DPYD: variants seen among roughly 807,000 people sequenced by gnomAD.
DPYD encodes the protein dihydropyrimidine dehydrogenase [NADP(+)].
A neutral mutation model predicts 116.2 loss-of-function variants in DPYD; 109 were observed. The ratio of observed to expected loss-of-function variants is 0.94; its 90% confidence interval spans 0.80 to 1.10. The LOEUF is 1.10. Among genes scored for constraint, DPYD ranks in the 50% least tolerant of loss-of-function variants. The pLI, the probability that DPYD is intolerant of heterozygous loss-of-function variation, is 0.00. For missense variants in DPYD, 1,302 were observed against 1,254.5 expected, an observed-to-expected ratio of 1.04 and a Z score of -0.57; for synonymous variants, 440 against 432.0, an observed-to-expected ratio of 1.02 and a Z score of -0.23.
intron 16 of DPYD, among the ~76,000 whole-genome samples, chr1:97,351,742 T>A (rs1317985895): frequency 2.6e-5 from 4 of 151,922 alleles, no homozygotes; most frequent in Middle Eastern, 3.2e-3. Flanking sequence ...AGAAACAAAA[T>A]CAAACGTGTT....
intron 21 of DPYD, among the ~76,000 whole-genome samples, chr1:97,082,775 G>A (rs563463200): frequency 3.3e-5 from 5 of 152,210 alleles, no homozygotes; most frequent in East Asian, 1.9e-4. Flanking sequence ...AATGACACCC[G>A]TGTGAGTTGT....
rs879495688 is a variant in DPYD at position 97,721,741 on chromosome 1, C to T, written c.322-70G>A. On this transcript the variant is annotated intron_variant, in intron 4 of 22. Coordinates refer to ENST00000370192, the MANE Select transcript of DPYD (RefSeq NM_000110.4). The stretch of plus-strand genomic sequence containing the variant: ...CTTTAAACAGCCAAATTACGACAAA[C>T]ATTATTTCTTCTACTAGGTAATCAG... 1.3e-5 allele frequency: 18 copies of T among 1,435,278 alleles called. No homozygotes were observed. The Admixed American group carries it at 2.5e-4, about 20-fold the overall frequency. 88.9% of individuals were successfully genotyped at this position (1,435,278 alleles called of 1,614,324 possible).
intron 14 of DPYD, among the ~76,000 whole-genome samples, chr1:97,412,145 C>T (rs1259192476): frequency 1.3e-5 from 2 of 152,168 alleles, no homozygotes; most frequent in African/African-American, 4.8e-5. Flanking sequence ...TTAGCTATTT[C>T]AAGTGCTGAA....
intron 3 of DPYD, among the ~76,000 whole-genome samples, chr1:97,743,879 A>G (rs997578737): frequency 1.3e-5 from 2 of 152,104 alleles, no homozygotes; most frequent in Non-Finnish European, 1.5e-5. Flanking sequence ...TTTTAAATGC[A>G]TAAGCAGCAA....
intron 19 of DPYD, among the ~76,000 whole-genome samples, chr1:97,232,555 A>G (rs1351493567): frequency 5.9e-5 from 9 of 152,058 alleles, no homozygotes; most frequent in Non-Finnish European, 2.9e-5. Context: ...ATAGTCCCAC[A>G]GTTCCCTGAG....
At chr1:97,881,463 G>C (rs1359942154) in intron 2 of DPYD, among the ~76,000 whole-genome samples, 3 of 151,988 alleles carry the variant, frequency 2.0e-5, no homozygotes, top group Admixed American at 6.6e-5. Flanking sequence ...CCTAGGTATA[G>C]CATCACAGGT....
intron 8 of DPYD, among the ~76,000 whole-genome samples, chr1:97,660,837 C>T (rs559110826): frequency 6.6e-6 from 1 of 152,224 alleles, no homozygotes; most frequent in South Asian, 2.1e-4. Context: ...ACATTTCTGC[C>T]TATGTTCTTC....
rs941412590 is a variant in DPYD, at chr1:97,750,993, G to T, written c.234-10514C>A. Among the ~76,000 whole-genome samples, 5 of 152,202 alleles carry T rather than the reference G, an allele frequency of 3.3e-5. No individual in the cohort carries two copies. The South Asian group carries it at 1.0e-3, about 32-fold the overall frequency. ...GATGAAAAGAATACTGAGTGACAAT[G>T]CAAGTGCTGGAGGCACTCATTCATT... On this transcript the variant is annotated intron_variant, in intron 3 of 22. Transcript: ENST00000370192.
intron 1 of DPYD, among the ~76,000 whole-genome samples, chr1:97,891,458 T>G (rs1672772286): frequency 6.6e-6 from 1 of 151,948 alleles, no homozygotes; most frequent in Admixed American, 6.6e-5. Flanking sequence ...TGTACTAATT[T>G]TACCTAGTTT....
intron 20 of DPYD, among the ~76,000 whole-genome samples, chr1:97,149,022 GA>G (rs1337088368): frequency 2.0e-5 from 3 of 152,172 alleles, no homozygotes; most frequent in African/African-American, 7.2e-5. Flanking sequence ...ACGCCCTTTG[GA>G]ATTAATCTCT....
chr1:97,359,595 A>G (rs1670608579), intron 16 of DPYD, among the ~76,000 whole-genome samples: 1 of 152,246 alleles, frequency 6.6e-6, no homozygotes, highest in South Asian at 2.1e-4. Context: ...AGTCTATCAG[A>G]CTAACAGTGG....
At chr1:97,189,265 A>G (rs1303727499) in intron 20 of DPYD, among the ~76,000 whole-genome samples, 1 of 152,168 alleles carries the variant, frequency 6.6e-6, no homozygotes, top group Non-Finnish European at 1.5e-5. Context: ...AGGAGACATT[A>G]ATTCTATAGC....
At chr1:97,394,371 C>A (rs547917505) in intron 14 of DPYD, 1 of 152,066 alleles carries the variant, frequency 6.6e-6, no homozygotes, top group Non-Finnish European at 1.5e-5. Context: ...CTTTAAATAG[C>A]CTAATTTCAA....
chr1:97,724,302 GGGGGGGTGTGTGTGTGTGTGTGT>G (rs1663100205), intron 4 of DPYD, among the ~76,000 whole-genome samples: 3 of 14,940 alleles, frequency 2.0e-4, no homozygotes, highest in South Asian at 3.2e-3. Flanking sequence ...GTGGGGGGGG[GGGGGGGTGTGTGTGTGTGTGTGT>G]GTGTGTGTGT....
intron 19 of DPYD, among the ~76,000 whole-genome samples, chr1:97,216,733 T>C (rs1323276005): frequency 6.6e-6 from 1 of 152,134 alleles, no homozygotes; most frequent in Non-Finnish European, 1.5e-5. Context: ...AGGCAGAGGT[T>C]GCAGTGACTT....
At chr1:97,491,892 GT>G (rs1678996129) in intron 13 of DPYD, among the ~76,000 whole-genome samples, 1 of 152,060 alleles carries the variant, frequency 6.6e-6, no homozygotes, top group South Asian at 2.1e-4. Context: ...AACTTCCGGG[GT>G]AGCACTGCCT....
intron 21 of DPYD, among the ~76,000 whole-genome samples, chr1:97,093,401 AT>A (rs1650023136): frequency 6.6e-6 from 1 of 152,124 alleles, no homozygotes; most frequent in Non-Finnish European, 1.5e-5. Context: ...TCTTCAGTTC[AT>A]TTTATTGGAC....
chr1:97,353,384 G>C (rs1258213502), intron 16 of DPYD, among the ~76,000 whole-genome samples: 5 of 152,134 alleles, frequency 3.3e-5, no homozygotes, highest in African/African-American at 1.2e-4. Context: ...TGCATATTTA[G>C]TGCTTCCCAC....
chr1:97,883,246 T>C lies in DPYD; in HGVS notation c.150+18A>G. The C allele has an allele frequency of 1.3e-6, 2 of 1,528,662 alleles. No individual in the cohort carries two copies. The highest frequency in any genetic ancestry group is 9.1e-7 in the Non-Finnish European group (1 of 1,103,012). 94.7% of individuals were successfully genotyped at this position (1,528,662 alleles called of 1,614,324 possible). A position where few individuals can be genotyped will look rare whatever the true frequency, so the allele number is the denominator to read the frequency against. ...TGAGGTAATTTTCAGCATGAAATAG[T>C]GTATCAGTGGTACTTACAAAGCAGT... On this transcript the variant is annotated intron_variant, in intron 2 of 22. Transcript: ENST00000370192.
Sources: allele counts gnomAD v4.1 joint callset (sites outside exome capture counted in the v4.1 genomes callset), GRCh38; gene constraint gnomAD v4.1.1; transcripts MANE v1.5; gene names NCBI Gene and HGNC (gene_info 2026-07-23, HGNC 2026-07-21).